Variants in ZBTB20 observed in about 807,000 individuals in gnomAD.
The protein encoded by ZBTB20 is zinc finger and BTB domain containing 20, also known as zinc finger and BTB domain-containing protein 20.
Under a neutral mutation model 56.9 loss-of-function variants are expected in ZBTB20, and 9 were observed. That is an observed-to-expected ratio of 0.16 (90% CI 0.10 to 0.28). ZBTB20 has a LOEUF of 0.28. Ranked by LOEUF, ZBTB20 falls within the 10% of genes least tolerant of loss-of-function variation. The pLI is 1.00. For missense variants in ZBTB20, 655 were observed against 1,003.0 expected, an observed-to-expected ratio of 0.65 and a Z score of 4.69; for synonymous variants, 417 against 420.7, an observed-to-expected ratio of 0.99 and a Z score of 0.11.
At chr3:114,689,966 G>C in intron 6 of ZBTB20, among the ~76,000 whole-genome samples, 1 of 151,822 alleles carries the variant, frequency 6.6e-6, no homozygotes, top group South Asian at 2.1e-4. Context: ...CAGGCCCAGA[G>C]TAAAGGAGAC....
At chr3:114,637,598 C>G (rs1201968326) in intron 6 of ZBTB20, among the ~76,000 whole-genome samples, 5 of 152,020 alleles carry the variant, frequency 3.3e-5, no homozygotes, top group Non-Finnish European at 7.4e-5. Flanking sequence ...TCTGTTCTAT[C>G]ATCTCCATGA....
At chr3:114,685,431 T>C (rs1469018107) in intron 6 of ZBTB20, among the ~76,000 whole-genome samples, 1 of 152,210 alleles carries the variant, frequency 6.6e-6, no homozygotes, top group African/African-American at 2.4e-5. Context: ...CAACAATCAG[T>C]GAGCAAAATG....
At chr3:114,700,719 T>A (rs532549827) in intron 5 of ZBTB20, among the ~76,000 whole-genome samples, 226 of 152,244 alleles carry the variant, frequency 1.5e-3, no homozygotes, top group African/African-American at 5.0e-3. Context: ...ACACTAAAAT[T>A]GTAGTTACAC....
intron 2 of ZBTB20, among the ~76,000 whole-genome samples, chr3:114,988,178 T>C (rs942372434): frequency 6.6e-6 from 1 of 150,874 alleles, no homozygotes; most frequent in Non-Finnish European, 1.5e-5. Context: ...ACATGTACCA[T>C]GTTGGTGTGC....
chr3:114,819,490 A>T (rs576346404), intron 4 of ZBTB20, among the ~76,000 whole-genome samples: 1 of 152,062 alleles, frequency 6.6e-6, no homozygotes, highest in Admixed American at 6.5e-5. Context: ...GAAAGAACTG[A>T]AAAAGCAGAT....
intron 7 of ZBTB20, among the ~76,000 whole-genome samples, chr3:114,427,998 C>T (rs2089829381): frequency 6.6e-6 from 1 of 152,126 alleles, no homozygotes; most frequent in Non-Finnish European, 1.5e-5. Context: ...GACTGGGGGG[C>T]ATGCCCAAAG....
At chr3:114,544,530 G>A (rs1400701296) in intron 6 of ZBTB20, among the ~76,000 whole-genome samples, 1 of 140,682 alleles carries the variant, frequency 7.1e-6, no homozygotes, top group East Asian at 2.0e-4. Context: ...TTTTGACAGG[G>A]TCTCACTCTG....
chr3:114,544,149 TA>T (rs1320417556), intron 6 of ZBTB20, among the ~76,000 whole-genome samples: 2 of 152,330 alleles, frequency 1.3e-5, no homozygotes, highest in East Asian at 3.9e-4. Context: ...GTCATAAAGA[TA>T]AATTAAATAT....
chr3:114,746,624 G>C (rs1270887527), intron 5 of ZBTB20, among the ~76,000 whole-genome samples: 2 of 152,106 alleles, frequency 1.3e-5, no homozygotes, highest in Non-Finnish European at 2.9e-5. Context: ...TGAAAAATTG[G>C]TTGTTCCTCA....
intron 7 of ZBTB20, among the ~76,000 whole-genome samples, chr3:114,490,290 C>T (rs369641381): frequency 2.0e-5 from 3 of 152,004 alleles, no homozygotes; most frequent in East Asian, 1.9e-4. Context: ...GGTGCGATCT[C>T]GGCTTGCTGC....
At chr3:114,718,488 T>C (rs2064669476) in intron 5 of ZBTB20, among the ~76,000 whole-genome samples, 1 of 152,060 alleles carries the variant, frequency 6.6e-6, no homozygotes, top group African/African-American at 2.4e-5. Flanking sequence ...GGGAAGTACC[T>C]GAACACAGGG....
chr3:115,084,337 C>T (rs1381832967), intron 1 of ZBTB20, among the ~76,000 whole-genome samples: 1 of 146,888 alleles, frequency 6.8e-6, no homozygotes, highest in Non-Finnish European at 1.5e-5. Context: ...AGTTGAAAAC[C>T]TAACAGAATT....
chr3:114,528,129 T>A (rs2669887), intron 6 of ZBTB20, among the ~76,000 whole-genome samples: 8 of 152,214 alleles, frequency 5.3e-5, no homozygotes, highest in African/African-American at 1.7e-4. Flanking sequence ...AGCTCTGAGA[T>A]AATTTATCAT....
chr3:115,022,465 C>T (rs1203463444), intron 2 of ZBTB20, among the ~76,000 whole-genome samples: 1 of 151,040 alleles, frequency 6.6e-6, no homozygotes, highest in Non-Finnish European at 1.5e-5. Context: ...TGAATATTTT[C>T]ACTGACAACT....
chr3:114,374,781 T>G (rs2108479926), intron 10 of ZBTB20, among the ~76,000 whole-genome samples: 1 of 152,314 alleles, frequency 6.6e-6, no homozygotes, highest in South Asian at 2.1e-4. Context: ...GGCCAAAATG[T>G]TTTTCATTTT....
chr3:114,775,415 A>G (rs1560235255), intron 5 of ZBTB20, among the ~76,000 whole-genome samples: 2 of 151,896 alleles, frequency 1.3e-5, no homozygotes, highest in Non-Finnish European at 2.9e-5. Flanking sequence ...AATCATGTTG[A>G]TATTTCTTTT....
chr3:114,944,273 A>G (rs2076815210), intron 3 of ZBTB20, among the ~76,000 whole-genome samples: 1 of 145,984 alleles, frequency 6.9e-6, no homozygotes, highest in African/African-American at 2.8e-5. Context: ...AATTAGAACC[A>G]CAATGAGATC....
intron 4 of ZBTB20, among the ~76,000 whole-genome samples, chr3:114,882,027 T>C (rs2076418310): frequency 6.6e-6 from 1 of 151,708 alleles, no homozygotes; most frequent in African/African-American, 2.4e-5. Context: ...AAAAGCAAAT[T>C]AATAACCAAG....
intron 5 of ZBTB20, among the ~76,000 whole-genome samples, chr3:114,708,599 C>T (rs1240175760): frequency 6.6e-6 from 1 of 152,124 alleles, no homozygotes; most frequent in African/African-American, 2.4e-5. Context: ...CATTCCTAGA[C>T]TTAAATACTA....
Sources: gnomAD v4.1 joint callset for allele counts (sites outside exome capture counted in the v4.1 genomes callset) on GRCh38, gnomAD v4.1.1 for gene constraint, MANE v1.5 for transcripts, NCBI Gene and HGNC (gene_info 2026-07-23, HGNC 2026-07-21) for gene names.